The following RTTN variants were observed in gnomAD, a reference collection of about 807,000 sequenced individuals.
The protein encoded by RTTN is rotatin.
In RTTN, 182 loss-of-function variants were observed where a neutral mutation model predicts 269.2. The observed-to-expected ratio is 0.68, with a 90% CI of 0.60 to 0.76. The LOEUF (loss-of-function observed/expected upper bound fraction) is 0.76, where lower values mean the gene tolerates loss of function less well. Among genes scored for constraint, RTTN ranks in the 30% least tolerant of loss-of-function variants. RTTN has a pLI of 0.00. For synonymous variants in RTTN, 1,006 were observed against 963.5 expected (o/e 1.04, Z -0.82); for missense variants, 2,545 against 2,608.6 (o/e 0.98, Z 0.53).
chr18:70,174,669 T>C (rs1173617341), intron 11 of RTTN, among the ~76,000 whole-genome samples: 2 of 150,426 alleles, frequency 1.3e-5, no homozygotes, highest in African/African-American at 2.4e-5. Flanking sequence ...ATTTATGAAG[T>C]GTTTAATTAA....
At chr18:70,025,424 T>C (rs1252145133) in intron 43 of RTTN, among the ~76,000 whole-genome samples, 2 of 152,232 alleles carry the variant, frequency 1.3e-5, no homozygotes, top group African/African-American at 2.4e-5. Context: ...AGATAAAATA[T>C]AGCTGTTTAA....
intron 35 of RTTN, among the ~76,000 whole-genome samples, chr18:70,061,672 C>A (rs1004624262): frequency 6.6e-6 from 1 of 152,022 alleles, no homozygotes; most frequent in Non-Finnish European, 1.5e-5. Flanking sequence ...CCTATCTCTA[C>A]AAAAAGATTT....
At chr18:70,172,302 A>G (rs9630853) in intron 11 of RTTN, among the ~76,000 whole-genome samples, 3,845 of 152,280 alleles carry the variant, frequency 0.025, 160 homozygotes, top group African/African-American at 0.086. Flanking sequence ...ACATAGATTC[A>G]TATTTATTTT....
chr18:70,129,294 A>G lies in RTTN; in HGVS notation c.2955-748T>C, dbSNP rs1416379957. The G allele has an allele frequency of 2.0e-5, 3 of 152,064 alleles. No individual in the cohort carries two copies. The East Asian group carries it at 5.8e-4, about 29-fold the overall frequency. The allele number at this position is 152,064 out of a possible 1,614,324, so 9.4% of individuals were successfully genotyped here. On this transcript the variant is annotated intron_variant, in intron 23 of 48. Coordinates refer to ENST00000640769, the MANE Select transcript of RTTN (RefSeq NM_173630.4). ...AAATTTTAAAACTCCTAAAATGTAT[A>G]TGGAACAAAACATGGTCCTAAATAG...
At chr18:70,069,933 C>G (rs2058250453) in intron 34 of RTTN, among the ~76,000 whole-genome samples, 1 of 152,106 alleles carries the variant, frequency 6.6e-6, no homozygotes, top group East Asian at 1.9e-4. Flanking sequence ...TAAATAATAC[C>G]TTTCTCTATA....
Position 70,004,218 on chromosome 18 carries a change from G to A in RTTN, c.6614C>T (p.Ala2205Val). Residue 2205 changes from alanine (A) to valine (V), a missense_variant, in exon 49 of 49, where the codon GCA becomes GTA. By Grantham distance (64) the Ala-to-Val change is moderately conservative. Transcript: ENST00000640769. The stretch of plus-strand genomic sequence containing the variant: ...CAAATAATAGGCATTTAGAGGGTTT[G>A]CTTCTGAGTTTGGGAAAGCTGAGAT... ...LAKKTFPNSE[A>V]NPLNAYYLKC... is the part of the protein sequence containing the mutation. 6.2e-7 allele frequency: 1 copy of A among 1,613,490 alleles called. No individual in the cohort carries two copies. Among genetic ancestry groups the A allele is most frequent in the Non-Finnish European group, 8.5e-7 (1 of 1,179,488 alleles).
At position 70,114,175 on chromosome 18, in the gene RTTN, G is replaced by A. The variant is rs1367959573; in HGVS notation, c.3683+270C>T. Among the ~76,000 whole-genome samples the A allele has an allele frequency of 3.3e-5, 5 of 152,196 alleles. No individual in the cohort carries two copies. The East Asian group carries it at 9.7e-4, about 29-fold the overall frequency. ...CTCAAGTAGATTTGTAGATAATTAAGAGAGAACCAGGAATTAAACCCTAGA... is the reference window on the plus strand; with the variant it reads ...CTCAAGTAGATTTGTAGATAATTAAAAGAGAACCAGGAATTAAACCCTAGA... On this transcript the variant is annotated intron_variant, in intron 27 of 48. Transcript: ENST00000640769.
At chr18:70,102,562 A>C (rs1305818472) in intron 28 of RTTN, among the ~76,000 whole-genome samples, 2 of 152,072 alleles carry the variant, frequency 1.3e-5, no homozygotes, top group African/African-American at 4.8e-5. Context: ...GAGCATTTAG[A>C]CCATTTACAT....
chr18:70,148,784 T>TTTTAAGGA, intron 17 of RTTN, 117 bp downstream of exon 17: 2 of 1,230,270 alleles, frequency 1.6e-6, no homozygotes, highest in Non-Finnish European at 2.3e-6. Flanking sequence ...CCTCTAGTAA[T>TTTTAAGGA]GGAATAACAC....
intron 46 of RTTN, among the ~76,000 whole-genome samples, chr18:70,015,833 GA>G (rs35380364): frequency 0.91 from 138,680 of 151,628 alleles, 64,325 homozygotes; most frequent in East Asian, 1. Flanking sequence ...AGCCCTCAAA[GA>G]AAAAAAAAAT....
At position 70,205,268 on chromosome 18, in the gene RTTN, A is replaced by T; in HGVS notation, c.79T>A (p.Cys27Ser). The T allele has an allele frequency of 6.2e-7, 1 of 1,614,250 alleles. No homozygotes were observed. The highest frequency in any genetic ancestry group is 2.2e-5 in the East Asian group (1 of 44,884). ...IRERALKSIL[C>S]KIEHNLICYA... is the part of the protein sequence containing the mutation. The stretch of plus-strand genomic sequence containing the variant: ...CAGATTAAGTTGTGCTCAATCTTGC[A>T]GAGAATACTCTTGAGAGCGCGCTCC... The change falls in exon 2 of 49, where the codon TGC (cysteine) becomes AGC (serine). Residue 27 changes from cysteine to serine, a missense_variant. Coordinates refer to ENST00000640769, the MANE Select transcript of RTTN (RefSeq NM_173630.4).
chr18:70,089,184 C>A (rs2058777773), intron 30 of RTTN, among the ~76,000 whole-genome samples: 1 of 152,282 alleles, frequency 6.6e-6, no homozygotes, highest in Non-Finnish European at 1.5e-5. Flanking sequence ...AAGCCCTAAT[C>A]CCCAACCTGT....
chr18:70,134,607 A>G, intron 22 of RTTN, 66 bp from the exon 23 acceptor site: 1 of 1,082,114 alleles, frequency 9.2e-7, no homozygotes, highest in Admixed American at 2.2e-5. Context: ...TCTAACAAAT[A>G]CAACTTACCT....
chr18:70,042,590 A>G (rs1025583458), intron 40 of RTTN, among the ~76,000 whole-genome samples: 13 of 151,884 alleles, frequency 8.6e-5, no homozygotes, highest in Non-Finnish European at 1.8e-4. Flanking sequence ...GTTAGCCAGG[A>G]TGGTGTCGAT....
chr18:70,031,741 G>C (rs1349982193), intron 40 of RTTN, among the ~76,000 whole-genome samples: 1 of 150,986 alleles, frequency 6.6e-6, no homozygotes, highest in Non-Finnish European at 1.5e-5. Flanking sequence ...TCCCACTGAG[G>C]GACTGGGACA....
intron 34 of RTTN, among the ~76,000 whole-genome samples, chr18:70,066,484 T>TGGAAAG (rs2058138610): frequency 6.6e-6 from 1 of 152,166 alleles, no homozygotes; most frequent in African/African-American, 2.4e-5. Context: ...CAATTTCACC[T>TGGAAAG]ACAGGTTTAT....
chr18:70,060,226 C>A (rs2057940182), intron 35 of RTTN, among the ~76,000 whole-genome samples, 184 bp from the exon 36 acceptor site: 2 of 152,116 alleles, frequency 1.3e-5, no homozygotes, highest in Non-Finnish European at 2.9e-5. Flanking sequence ...CTCCTGACCT[C>A]CACCTTCCAC....
chr18:70,123,186 T>C (rs569937571), intron 25 of RTTN, among the ~76,000 whole-genome samples: 1 of 152,140 alleles, frequency 6.6e-6, no homozygotes, highest in Non-Finnish European at 1.5e-5. Flanking sequence ...TGCACCAAAC[T>C]ATATTCCATT....
intron 27 of RTTN, among the ~76,000 whole-genome samples, 169 bp from the exon 28 acceptor site, chr18:70,109,886 T>C (rs539498633): frequency 6.6e-6 from 1 of 152,008 alleles, no homozygotes; most frequent in Admixed American, 6.5e-5. Flanking sequence ...AAGGAAAGCA[T>C]AAAATACCAA....
Sources: gnomAD v4.1 joint callset for allele counts (sites outside exome capture counted in the v4.1 genomes callset) on GRCh38, gnomAD v4.1.1 for gene constraint, MANE v1.5 for transcripts, NCBI Gene and HGNC (gene_info 2026-07-23, HGNC 2026-07-21) for gene names.